NCALD: variants seen among roughly 807,000 people sequenced by gnomAD.
NCALD encodes neurocalcin-delta.
In NCALD, 10 loss-of-function variants were observed where a neutral mutation model predicts 18.6. The ratio of observed to expected loss-of-function variants is 0.54; its 90% CI spans 0.33 to 0.91. The LOEUF is 0.91. NCALD is among the 40% of genes least tolerant of loss of function. The pLI is 0.03. For missense variants in NCALD, 184 were observed against 247.6 expected, an observed-to-expected ratio of 0.74 and a Z score of 1.72; for synonymous variants, 88 against 87.4, an observed-to-expected ratio of 1.01 and a Z score of -0.04.
At chr8:101,814,741 T>C (rs1053142514) in intron 4 of NCALD, among the ~76,000 whole-genome samples, 2 of 152,096 alleles carry the variant, frequency 1.3e-5, no homozygotes, top group African/African-American at 4.8e-5. Context: ...CCTGTACTAA[T>C]AAGGGATTAT....
chr8:101,813,939 G>A lies in NCALD; in HGVS notation c.-20+73202C>T, dbSNP rs187470381. ...GAAGATAATCTGGTGATTATACTCGGAAAAGTATCTCTGGAAATGTTATCA... is the reference window on the plus strand; with the variant it reads ...GAAGATAATCTGGTGATTATACTCGAAAAAGTATCTCTGGAAATGTTATCA... On this transcript the variant is annotated intron_variant, in intron 4 of 6. Transcript: ENST00000311028. Among the ~76,000 whole-genome samples, 317 of 152,082 alleles carry A rather than the reference G, an allele frequency of 2.1e-3. 1 individual carries two copies. The highest frequency in any genetic ancestry group is 3.1e-3 in the Non-Finnish European group (213 of 67,968).
intron 4 of NCALD, among the ~76,000 whole-genome samples, chr8:101,874,120 A>G (rs1816130440): frequency 6.6e-6 from 1 of 152,202 alleles, no homozygotes; most frequent in Non-Finnish European, 1.5e-5. Context: ...GAATATATCT[A>G]GCTAGATTTC....
At chr8:102,038,389 C>T (rs1382853070) in intron 1 of NCALD, among the ~76,000 whole-genome samples, 1 of 152,154 alleles carries the variant, frequency 6.6e-6, no homozygotes, top group African/African-American at 2.4e-5. Context: ...AGGCTTATCA[C>T]ACAATGCTCT....
intron 3 of NCALD, among the ~76,000 whole-genome samples, chr8:101,890,580 G>T (rs919050142): frequency 1.5e-4 from 23 of 152,196 alleles, no homozygotes; most frequent in Non-Finnish European, 8.8e-5. Context: ...CCAGGTTGAA[G>T]GGAGTGCCCT....
At chr8:101,917,784 A>AAAC (rs1818021843) in intron 2 of NCALD, among the ~76,000 whole-genome samples, 1 of 152,126 alleles carries the variant, frequency 6.6e-6, no homozygotes, top group South Asian at 2.1e-4. Flanking sequence ...AAGGAACTTG[A>AAAC]AACCCTTAGC....
intron 2 of NCALD, among the ~76,000 whole-genome samples, chr8:101,931,413 T>C (rs1818567522): frequency 6.6e-6 from 1 of 152,202 alleles, no homozygotes; most frequent in African/African-American, 2.4e-5. Flanking sequence ...ACTGTGTATC[T>C]GATGCCACAA....
At chr8:101,980,853 A>G (rs900056835) in intron 2 of NCALD, among the ~76,000 whole-genome samples, 4 of 152,292 alleles carry the variant, frequency 2.6e-5, no homozygotes, top group African/African-American at 9.6e-5. Context: ...TTTAAGCCCT[A>G]TTATTTATTG....
intron 2 of NCALD, among the ~76,000 whole-genome samples, chr8:101,717,082 G>A (rs1216900174): frequency 6.6e-6 from 1 of 152,172 alleles, no homozygotes; most frequent in African/African-American, 2.4e-5. Flanking sequence ...GTATTTTTAA[G>A]CTACTGGCTT....
intron 2 of NCALD, among the ~76,000 whole-genome samples, chr8:101,972,288 T>C (rs954827502): frequency 7.2e-5 from 11 of 152,200 alleles, no homozygotes; most frequent in Admixed American, 1.3e-4. Context: ...TCAGGCACAG[T>C]TGGACTCTGG....
chr8:101,828,961 G>A (rs577228007), intron 4 of NCALD, among the ~76,000 whole-genome samples: 1 of 151,536 alleles, frequency 6.6e-6, no homozygotes, highest in South Asian at 2.1e-4. Context: ...GGATGGGTGA[G>A]TGGGGTGGTG....
intron 4 of NCALD, among the ~76,000 whole-genome samples, chr8:101,882,916 TAA>T (rs1816540969): frequency 6.6e-6 from 1 of 152,038 alleles, no homozygotes; most frequent in African/African-American, 2.4e-5. Context: ...GTAATGGCTT[TAA>T]GAAGCAATAT....
At position 101,711,749 on chromosome 8, in the gene NCALD, C is replaced by CTCCAA. The variant is rs200325469; in HGVS notation, c.378+7498_378+7502dup. 9.1e-3 allele frequency among the ~76,000 whole-genome samples: 1,380 copies of CTCCAA among 152,030 alleles called. 25 individuals are homozygous for CTCCAA. The highest frequency in any genetic ancestry group is 0.032 in the African/African-American group (1,316 of 41,456). Reference sequence around the variant, plus strand: ...AAGAATGAAAAGGAACGAGCAAAGCCTCCAAGAAATACGGGACTATGTGAA... The same window carrying CTCCAA: ...AAGAATGAAAAGGAACGAGCAAAGCCTCCAATCCAAGAAATACGGGACTATGTGAA... On this transcript the variant is annotated intron_variant, in intron 2 of 3. Coordinates refer to ENST00000220931, the MANE Select transcript of NCALD (RefSeq NM_032041.3).
intron 4 of NCALD, among the ~76,000 whole-genome samples, chr8:101,854,126 C>G (rs1006565224): frequency 2.6e-5 from 4 of 152,186 alleles, no homozygotes; most frequent in Non-Finnish European, 5.9e-5. Context: ...TCTACTTGCT[C>G]TTTACTCAGA....
chr8:101,801,953 A>C (rs1812884669), intron 4 of NCALD, among the ~76,000 whole-genome samples: 1 of 151,958 alleles, frequency 6.6e-6, no homozygotes, highest in African/African-American at 2.4e-5. Context: ...GGCGTGAACC[A>C]CCGCGCCCGG....
In NCALD at chr8:101,689,492, C is replaced by A. The variant is rs1029035394; in HGVS notation, c.485-86G>T. ...CCCACTACTGCGTGCTGGGCAGTGT[C>A]GATTCACCTGCCTGCAGCCTCACTG... On this transcript the variant is annotated intron_variant, in intron 3 of 3. Transcript: ENST00000220931. The surrounding 1 kb of genome is among the most constrained non-coding windows in gnomAD (Gnocchi z 4.4). 3.9e-6 allele frequency: 4 copies of A among 1,016,866 alleles called. No homozygotes were observed. Among genetic ancestry groups the A allele is most frequent in the South Asian group, 2.9e-5 (2 of 68,108 alleles). The allele number at this position is 1,016,866 out of a possible 1,614,324, so 63.0% of individuals were successfully genotyped here. A position where few individuals can be genotyped will look rare whatever the true frequency, so the allele number is the denominator to read the frequency against.
chr8:101,758,084 T>C lies in NCALD; in HGVS notation c.-20+32778A>G, dbSNP rs565036818. Among the ~76,000 whole-genome samples the C allele has an allele frequency of 3.3e-5, 5 of 152,276 alleles. No homozygotes were observed. The East Asian group carries it at 9.6e-4, about 29-fold the overall frequency. On this transcript the variant is annotated intron_variant, in intron 1 of 3. Transcript: ENST00000220931. Reference sequence around the variant, plus strand: ...GAATTACAAGTGTGAACTACCATACTGCCTGATTTTTAAACTCACATCTCT... The same window carrying C: ...GAATTACAAGTGTGAACTACCATACCGCCTGATTTTTAAACTCACATCTCT...
chr8:102,047,809 T>G (rs1209782741), intron 1 of NCALD, among the ~76,000 whole-genome samples: 1 of 152,168 alleles, frequency 6.6e-6, no homozygotes, highest in African/African-American at 2.4e-5. Context: ...ACAGGACCCC[T>G]CCAGTTCTAA....
intron 2 of NCALD, among the ~76,000 whole-genome samples, chr8:101,931,888 G>A (rs1353034766): frequency 6.6e-6 from 1 of 152,112 alleles, no homozygotes; most frequent in African/African-American, 2.4e-5. Context: ...TTAATGGGGT[G>A]TCTCACTCAT....
chr8:102,084,494 A>G (rs1824667930), intron 1 of NCALD, among the ~76,000 whole-genome samples: 1 of 152,168 alleles, frequency 6.6e-6, no homozygotes, highest in African/African-American at 2.4e-5. Context: ...TTGAACTTTG[A>G]CCTGGAGTTT....
Sources: allele counts gnomAD v4.1 joint callset (sites outside exome capture counted in the v4.1 genomes callset), GRCh38; gene constraint gnomAD v4.1.1; non-coding constraint Gnocchi (gnomAD v3.1); transcripts MANE v1.5; gene names NCBI Gene and HGNC (gene_info 2026-07-23, HGNC 2026-07-21).